The following MAP4 variants were observed in gnomAD, a reference collection of about 807,000 sequenced individuals.
The protein encoded by MAP4 is microtubule-associated protein 4.
A neutral mutation model predicts 170.2 loss-of-function variants in MAP4; 76 were observed. That is an observed-to-expected ratio of 0.45 (90% CI 0.37 to 0.54). The LOEUF (loss-of-function observed/expected upper bound fraction) is 0.54. Among genes scored for constraint, MAP4 ranks in the 20% least tolerant of loss-of-function variants. The pLI, the probability that MAP4 is intolerant of heterozygous loss-of-function variation, is 0.00. For synonymous variants in MAP4, 909 were observed against 994.5 expected, an observed-to-expected ratio of 0.91 and a Z score of 1.62; for missense variants, 2,506 against 2,748.0, an observed-to-expected ratio of 0.91 and a Z score of 1.97.
chr3:47,888,078 G>A (rs1301806145), intron 10 of MAP4, among the ~76,000 whole-genome samples: 1 of 152,184 alleles, frequency 6.6e-6, no homozygotes, highest in Non-Finnish European at 1.5e-5. Flanking sequence ...AGCTGCTCTG[G>A]TGGGGCCTTG....
In MAP4 at chr3:47,887,227, G is replaced by A. The variant is rs561471200; in HGVS notation, c.5435-9704C>T. 2.6e-5 allele frequency among the ~76,000 whole-genome samples: 4 copies of A among 152,342 alleles called. No homozygotes were observed. The East Asian group carries it at 5.8e-4, about 22-fold the overall frequency. On this transcript the variant is annotated intron_variant, in intron 10 of 20. Transcript: ENST00000683076. ...GGAAGGAGAGGCGCGAGCAGGAACC[G>A]GGGCTGCGCGCAGCACTTGCGGGTC...
intron 3 of MAP4, chr3:47,960,315 T>C: frequency 4.4e-6 from 1 of 226,382 alleles, no homozygotes; most frequent in South Asian, 8.0e-5. Flanking sequence ...AAATCACTGG[T>C]AAAAGTTTAT....
rs2100121152 is a variant in MAP4 at position 48,040,570 on chromosome 3, A to C, written c.-19-41691T>G. 2.1e-5 allele frequency among the ~76,000 whole-genome samples: 3 copies of C among 143,060 alleles called. No homozygotes were observed. In the Admixed American group the frequency reaches 2.1e-4, roughly 10 times the overall value. 93.9% of individuals were successfully genotyped at this position (143,060 alleles called of 152,430 possible). ...AGGCGTGAGCCACCGCGCCCAGCCT[A>C]TTTATTTATTTTGTAAGACAGAGTC... On this transcript the variant is annotated intron_variant, in intron 1 of 18. Coordinates refer to the MAP4 transcript ENST00000360240.
intron 10 of MAP4, chr3:47,892,856 T>C (rs1326752103): frequency 1.9e-6 from 2 of 1,051,218 alleles, no homozygotes; most frequent in Non-Finnish European, 2.3e-6. Context: ...ATTTTGGCTT[T>C]CACTGATATA....
chr3:47,959,761 A>T (rs1305433490), intron 3 of MAP4, among the ~76,000 whole-genome samples: 1 of 151,122 alleles, frequency 6.6e-6, no homozygotes, highest in South Asian at 2.1e-4. Context: ...TCCATCTCAA[A>T]AAAAAAAAAA....
chr3:48,020,609 A>C (rs1285268908), upstream of MAP4, among the ~76,000 whole-genome samples: 2 of 152,216 alleles, frequency 1.3e-5, no homozygotes, highest in East Asian at 3.8e-4. Context: ...ATCATTATTA[A>C]ATGAAAATTG....
At chr3:47,945,515 G>T (rs1461364425) in intron 3 of MAP4, among the ~76,000 whole-genome samples, 1 of 151,842 alleles carries the variant, frequency 6.6e-6, no homozygotes, top group African/African-American at 2.4e-5. Flanking sequence ...ATACCTAGGT[G>T]GTGCCTAATA....
rs180901242 is a variant in MAP4 at position 47,933,523 on chromosome 3, G to A, written c.293-5173C>T. Among the ~76,000 whole-genome samples the A allele has an allele frequency of 5.3e-5, 8 of 150,784 alleles. No individual in the cohort carries two copies. The East Asian group carries it at 5.8e-4, about 11-fold the overall frequency. Reference sequence around the variant, plus strand: ...TACGATCATAGCTCACTGCAGCCTCGACCTCCCTGACTCAAGCAATCCTCT... The same window carrying A: ...TACGATCATAGCTCACTGCAGCCTCAACCTCCCTGACTCAAGCAATCCTCT... On this transcript the variant is annotated intron_variant, in intron 3 of 20. Coordinates refer to ENST00000683076, the MANE Select transcript of MAP4 (RefSeq NM_001385682.1).
chr3:48,049,259 AATTTT>A (rs1368811774), intron 1 of MAP4, among the ~76,000 whole-genome samples: 3 of 152,238 alleles, frequency 2.0e-5, no homozygotes, highest in African/African-American at 4.8e-5. Flanking sequence ...AGTGAACATA[AATTTT>A]ATTTTATTTG....
chr3:48,080,992 C>T (rs1348061020), intron 1 of MAP4, among the ~76,000 whole-genome samples: 1 of 152,166 alleles, frequency 6.6e-6, no homozygotes, highest in Non-Finnish European at 1.5e-5. Flanking sequence ...GGCGTGGTGG[C>T]GGGCTCCTGT....
At chr3:48,056,474 T>G (rs2100131721) in intron 1 of MAP4, among the ~76,000 whole-genome samples, 1 of 53,316 alleles carries the variant, frequency 1.9e-5, no homozygotes, top group African/African-American at 8.1e-5. Context: ...AGCCGCCCCG[T>G]CCGGGAGGGA....
chr3:47,992,452 GTCTC>G (rs768676827), intron 2 of MAP4, among the ~76,000 whole-genome samples: 4 of 151,936 alleles, frequency 2.6e-5, no homozygotes, highest in Admixed American at 6.6e-5. Context: ...TAGAGACGGG[GTCTC>G]TCTCTGTCAC....
chr3:48,038,363 A>G (rs1449765510), intron 1 of MAP4, among the ~76,000 whole-genome samples: 1 of 152,036 alleles, frequency 6.6e-6, no homozygotes, highest in African/African-American at 2.4e-5. Context: ...GGCAAAAAAA[A>G]ATTTATATTA....
chr3:47,957,007 A>C (rs767832266), intron 3 of MAP4, among the ~76,000 whole-genome samples: 9 of 152,190 alleles, frequency 5.9e-5, no homozygotes, highest in Non-Finnish European at 1.3e-4. Context: ...TATTATGGGG[A>C]ATAAGGGCAG....
At chr3:47,973,719 C>T (rs996637910) in intron 3 of MAP4, 48 of 985,208 alleles carry the variant, frequency 4.9e-5, no homozygotes, top group Non-Finnish European at 5.2e-5. Flanking sequence ...GGACTGGTTA[C>T]GAGCAATAGA....
chr3:47,950,490 A>G (rs770748988), intron 3 of MAP4, among the ~76,000 whole-genome samples: 2 of 152,174 alleles, frequency 1.3e-5, no homozygotes, highest in African/African-American at 2.4e-5. Context: ...AACCTTCAGA[A>G]CATGTGTAGG....
intron 10 of MAP4, chr3:47,891,216 GCT>G: frequency 6.5e-7 from 1 of 1,536,116 alleles, no homozygotes; most frequent in South Asian, 1.2e-5. Flanking sequence ...TCAGGAATCT[GCT>G]CCAGCTTACT....
chr3:48,003,251 G>A (rs946162638), intron 1 of MAP4, among the ~76,000 whole-genome samples: 1 of 151,654 alleles, frequency 6.6e-6, no homozygotes. Flanking sequence ...TCAGAAGATC[G>A]AGACCATCCT....
chr3:47,983,711 G>A (rs763390468), intron 2 of MAP4, among the ~76,000 whole-genome samples: 1 of 151,788 alleles, frequency 6.6e-6, no homozygotes, highest in Non-Finnish European at 1.5e-5. Context: ...TAAAGACAGG[G>A]TCTCACTAAG....
Sources: gnomAD v4.1 joint callset for allele counts (sites outside exome capture counted in the v4.1 genomes callset) on GRCh38, gnomAD v4.1.1 for gene constraint, MANE v1.5 for transcripts, NCBI Gene and HGNC (gene_info 2026-07-23, HGNC 2026-07-21) for gene names.